DMD: variants seen among roughly 807,000 people sequenced by gnomAD.
DMD encodes mutant dystrophin.
A neutral mutation model predicts 330.1 loss-of-function variants in DMD; 63 were observed. The observed-to-expected ratio is 0.19, with a 90% CI of 0.16 to 0.24. DMD has a LOEUF of 0.24. DMD is among the 10% of genes least tolerant of loss of function. The pLI is 1.00. For synonymous variants in DMD, 1,223 were observed against 959.8 expected (o/e 1.27, Z -5.07); for missense variants, 3,344 against 2,684.1 (o/e 1.25, Z -5.43).
chrX:33,251,398 G>C (rs1180845619), intron 1 of DMD, among the ~76,000 whole-genome samples: 2 of 111,228 alleles, frequency 1.8e-5, no homozygotes, highest in Admixed American at 1.9e-4. Context: ...GGTATCAAGG[G>C]AGACTGTGCA....
intron 43 of DMD, among the ~76,000 whole-genome samples, chrX:32,260,082 A>G (rs934268286): frequency 2.7e-5 from 3 of 111,274 alleles, no homozygotes; most frequent in Non-Finnish European, 5.7e-5. Context: ...TGATTTCATT[A>G]TGTTTCTCAT....
chrX:32,872,488 G>A (rs1180003891), intron 2 of DMD, among the ~76,000 whole-genome samples: 3 of 112,138 alleles, frequency 2.7e-5, no homozygotes, highest in East Asian at 2.8e-4. Context: ...TAATGATTTA[G>A]TTTCTGCATT....
intron 1 of DMD, among the ~76,000 whole-genome samples, chrX:33,031,434 G>A: frequency 9.0e-6 from 1 of 111,119 alleles, no homozygotes; most frequent in Non-Finnish European, 1.9e-5. Flanking sequence ...TGGAATTTGG[G>A]CCCACATTTC....
At position 32,342,212 on chromosome X, in the gene DMD, G is replaced by A; in HGVS notation, c.5810C>T (p.Ser1937Phe). ...NAVRRQAEGL[S>F]EDGAAMAVEP... is the part of the protein sequence containing the mutation. ...CACTGCCATTGCGGCCCCATCCTCA[G>A]ACAAGCCCTCAGCTTGCCTACGCAC... Residue 1937 changes from serine to phenylalanine, a missense_variant, in exon 41 of 79, where the codon TCT (serine) becomes TTT (phenylalanine). Ser to Phe is a radical substitution (Grantham distance 155). Coordinates refer to ENST00000357033, the MANE Select transcript of DMD (RefSeq NM_004006.3). 1 of 1,211,457 alleles carries A rather than the reference G, an allele frequency of 8.3e-7. No homozygotes were observed. Among genetic ancestry groups the A allele is most frequent in the Non-Finnish European group, 1.1e-6 (1 of 895,316 alleles).
chrX:31,689,695 C>T (rs956593309), intron 52 of DMD, among the ~76,000 whole-genome samples: 1 of 111,404 alleles, frequency 9.0e-6, no homozygotes, highest in Non-Finnish European at 1.9e-5. Flanking sequence ...AAGCTGGAGG[C>T]ATCACGCTAC....
At chrX:32,648,471 ATAG>A (rs756964505) in intron 9 of DMD, among the ~76,000 whole-genome samples, 12 of 111,929 alleles carry the variant, frequency 1.1e-4, no homozygotes, top group African/African-American at 3.6e-4. Flanking sequence ...AAACAGAAAA[ATAG>A]TAGTCTGTGT....
At chrX:31,307,062 T>G (rs972765277) in intron 62 of DMD, among the ~76,000 whole-genome samples, 58 of 111,756 alleles carry the variant, frequency 5.2e-4, no homozygotes, top group African/African-American at 1.8e-3. Context: ...CCTCTGCTCA[T>G]CTCAGATCCT....
At chrX:32,886,827 A>G (rs1332800387) in intron 2 of DMD, among the ~76,000 whole-genome samples, 1 of 112,372 alleles carries the variant, frequency 8.9e-6, no homozygotes, top group East Asian at 2.8e-4. Context: ...CATTATGTGA[A>G]CATTTAAAGT....
At chrX:31,429,775 A>T (rs769325615) in intron 60 of DMD, among the ~76,000 whole-genome samples, 1 of 111,047 alleles carries the variant, frequency 9.0e-6, no homozygotes, top group African/African-American at 3.3e-5. Context: ...TTCCTAGAAG[A>T]GCTATCATAA....
At chrX:32,256,043 A>G (rs1403277003) in intron 43 of DMD, among the ~76,000 whole-genome samples, 1 of 111,205 alleles carries the variant, frequency 9.0e-6, no homozygotes, top group African/African-American at 3.3e-5. Context: ...AGATCAGGGT[A>G]ATTTTCTGTC....
At chrX:31,616,652 C>T (rs2078218517) in intron 55 of DMD, among the ~76,000 whole-genome samples, 1 of 112,279 alleles carries the variant, frequency 8.9e-6, no homozygotes, top group Non-Finnish European at 1.9e-5. Context: ...CAGATGAAAT[C>T]TTTGCTCTCA....
At position 32,644,279 on chromosome X, in the gene DMD, C is replaced by G; in HGVS notation, c.1184G>C (p.Arg395Pro). 1 of 1,210,971 alleles carries G rather than the reference C, an allele frequency of 8.3e-7. No homozygotes were observed. The highest frequency in any genetic ancestry group is 1.1e-6 in the Non-Finnish European group (1 of 895,205). The change falls in exon 11 of 79, where the codon CGG becomes CCG. Residue 395 changes from arginine (R) to proline (P), a missense_variant. Transcript: ENST00000357033. ...YMMDLTAHQG[R>P]VGNILQLGSK... ...TCCCAATTGTAGAATATTACCAACC[C>G]GGCCCTGATGGGCTGTCAAATCCAT...
chrX:32,066,762 C>A (rs983758218), intron 44 of DMD, among the ~76,000 whole-genome samples: 1 of 111,584 alleles, frequency 9.0e-6, no homozygotes, highest in African/African-American at 3.2e-5. Context: ...CATATGGTGA[C>A]TGGAATTACT....
chrX:32,832,448 G>A (rs1030808229), intron 4 of DMD, among the ~76,000 whole-genome samples: 11 of 109,329 alleles, frequency 1.0e-4, no homozygotes, highest in Non-Finnish European at 2.1e-4. Context: ...ATTTCATTTC[G>A]TTCTCATAAA....
At chrX:32,765,460 A>T (rs1040217733) in intron 7 of DMD, among the ~76,000 whole-genome samples, 1 of 111,194 alleles carries the variant, frequency 9.0e-6, no homozygotes, top group African/African-American at 3.3e-5. Context: ...AGCCGAGCAG[A>T]TGCCAGCATC....
chrX:31,994,031 A>G (rs1018945132), intron 44 of DMD, among the ~76,000 whole-genome samples: 8 of 111,477 alleles, frequency 7.2e-5, no homozygotes, highest in Admixed American at 4.8e-4. Context: ...ACTCGACAGC[A>G]TGATAATTTT....
intron 7 of DMD, among the ~76,000 whole-genome samples, chrX:32,788,510 T>A (rs1421979641): frequency 8.9e-6 from 1 of 112,115 alleles, no homozygotes; most frequent in Non-Finnish European, 1.9e-5. Flanking sequence ...TGTATCCTTC[T>A]GTACAGCTAA....
intron 52 of DMD, among the ~76,000 whole-genome samples, chrX:31,680,521 C>A (rs2082321735): frequency 9.1e-6 from 1 of 109,684 alleles, no homozygotes; most frequent in South Asian, 4.0e-4. Flanking sequence ...CAGGCACGTG[C>A]CATCATGCCC....
intron 44 of DMD, among the ~76,000 whole-genome samples, chrX:32,165,834 C>T (rs1046609585): frequency 9.0e-6 from 1 of 110,917 alleles, no homozygotes; most frequent in Non-Finnish European, 1.9e-5. Flanking sequence ...TTGGCTTCCC[C>T]CATGCTGTTC....
Sources: gnomAD v4.1 joint callset for allele counts (sites outside exome capture counted in the v4.1 genomes callset) on GRCh38, gnomAD v4.1.1 for gene constraint, MANE v1.5 for transcripts, NCBI Gene and HGNC (gene_info 2026-07-23, HGNC 2026-07-21) for gene names.